Variants in SOX6 observed in about 807,000 individuals in gnomAD.
SOX6 encodes transcription factor SOX-6.
SOX6 carries 11 observed loss-of-function variants against 97.8 expected under a neutral mutation model. The ratio of observed to expected loss-of-function variants is 0.11; its 90% CI spans 0.07 to 0.19. The LOEUF (loss-of-function observed/expected upper bound fraction) is 0.19. Among genes scored for constraint, SOX6 ranks in the 10% least tolerant of loss-of-function variants. The probability of loss-of-function intolerance (pLI) is 1.00; values close to 1 mark genes in which losing one functional copy is unlikely to be tolerated. For synonymous variants in SOX6, 360 were observed against 371.4 expected (o/e 0.97, Z 0.35); for missense variants, 810 against 1,039.5 (o/e 0.78, Z 3.04).
chr11:16,110,500 C>G (rs1453191166), intron 7 of SOX6: 2 of 152,044 alleles, frequency 1.3e-5, no homozygotes, highest in Non-Finnish European at 2.9e-5. Context: ...AAATCATGCT[C>G]TAGAAAAATG....
At chr11:16,649,161 G>T (rs1386315937) in intron 3 of SOX6, among the ~76,000 whole-genome samples, 1 of 152,158 alleles carries the variant, frequency 6.6e-6, no homozygotes, top group African/African-American at 2.4e-5. Context: ...TATTCCTGGA[G>T]AAGAAAATAA....
At chr11:16,097,974 T>C (rs1287795572) in intron 7 of SOX6, among the ~76,000 whole-genome samples, 5 of 151,876 alleles carry the variant, frequency 3.3e-5, no homozygotes, top group East Asian at 3.9e-4. Flanking sequence ...AATACATCAT[T>C]TTTTAAGAGT....
At chr11:16,352,985 C>T (rs1856987840) in intron 1 of SOX6, among the ~76,000 whole-genome samples, 2 of 152,020 alleles carry the variant, frequency 1.3e-5, no homozygotes, top group African/African-American at 4.8e-5. Flanking sequence ...AATTTTCTAA[C>T]AAATATTTGT....
At chr11:16,008,325 T>C (rs1472309067) in intron 13 of SOX6, among the ~76,000 whole-genome samples, 1 of 152,102 alleles carries the variant, frequency 6.6e-6, no homozygotes, top group African/African-American at 2.4e-5. Flanking sequence ...TTCTATGTGA[T>C]TCAGTAATGA....
At chr11:16,540,332 G>T (rs1425169141) in intron 4 of SOX6, among the ~76,000 whole-genome samples, 1 of 151,966 alleles carries the variant, frequency 6.6e-6, no homozygotes, top group African/African-American at 2.4e-5. Flanking sequence ...AAAATAATAA[G>T]AGCTATCTAT....
At chr11:16,330,488 C>T (rs1208709211) in intron 2 of SOX6, among the ~76,000 whole-genome samples, 2 of 152,060 alleles carry the variant, frequency 1.3e-5, no homozygotes, top group South Asian at 4.1e-4. Context: ...ACCCAGAAGG[C>T]GGAGGTTCCA....
intron 3 of SOX6, among the ~76,000 whole-genome samples, chr11:16,672,222 A>G (rs568972186): frequency 3.2e-4 from 48 of 152,346 alleles, no homozygotes; most frequent in Admixed American, 1.7e-3. Context: ...CAGTGACACT[A>G]TAAAGCAACC....
chr11:16,190,419 A>G (rs1320879086), intron 4 of SOX6, among the ~76,000 whole-genome samples: 1 of 152,204 alleles, frequency 6.6e-6, no homozygotes, highest in Non-Finnish European at 1.5e-5. Flanking sequence ...AAATAATAAC[A>G]ACACAATAAA....
At chr11:16,025,174 A>T (rs577295466) in intron 12 of SOX6, among the ~76,000 whole-genome samples, 1 of 152,260 alleles carries the variant, frequency 6.6e-6, no homozygotes, top group South Asian at 2.1e-4. Flanking sequence ...GCAACTCCCA[A>T]GTAGAGTTAT....
chr11:16,163,290 GTC>G (rs1327685873), intron 6 of SOX6, among the ~76,000 whole-genome samples: 1 of 152,080 alleles, frequency 6.6e-6, no homozygotes, highest in Non-Finnish European at 1.5e-5. Flanking sequence ...ACTGTGGTTG[GTC>G]TGAAAAAAGT....
At chr11:16,632,933 C>T (rs898228879) in intron 3 of SOX6, among the ~76,000 whole-genome samples, 3 of 152,178 alleles carry the variant, frequency 2.0e-5, no homozygotes, top group African/African-American at 4.8e-5. Flanking sequence ...GAGGGCTTCC[C>T]TGCACCAGGA....
chr11:16,524,664 T>C (rs1242764929), intron 4 of SOX6, among the ~76,000 whole-genome samples: 2 of 151,970 alleles, frequency 1.3e-5, no homozygotes, highest in South Asian at 2.1e-4. Context: ...ATAAAGGGTA[T>C]TCAATTAGGA....
rs1429591949 is a variant in SOX6 at position 16,715,945 on chromosome 11, C to T, written n.354-1040G>A. Reference sequence around the variant, plus strand: ...GTACTATAATATTTTTTTAAATAAGCATTAGAGGCCAGACACGGTGATTCA... The same window carrying T: ...GTACTATAATATTTTTTTAAATAAGTATTAGAGGCCAGACACGGTGATTCA... On this transcript the variant is annotated intron_variant and non_coding_transcript_variant, in intron 2 of 5. Transcript: ENST00000524520. 2.0e-5 allele frequency among the ~76,000 whole-genome samples: 3 copies of T among 151,902 alleles called. No individual in the cohort carries two copies. The East Asian group carries it at 5.8e-4, about 29-fold the overall frequency.
intron 12 of SOX6, among the ~76,000 whole-genome samples, chr11:16,025,384 G>A (rs1228156619): frequency 6.6e-6 from 1 of 152,094 alleles, no homozygotes; most frequent in Admixed American, 6.6e-5. Context: ...CTGAACACAT[G>A]GTTTAAAAAG....
chr11:16,334,433 C>CTTT (rs67280736), intron 2 of SOX6, among the ~76,000 whole-genome samples: 4 of 147,656 alleles, frequency 2.7e-5, no homozygotes, highest in Non-Finnish European at 3.0e-5. Flanking sequence ...AATGTCTCTA[C>CTTT]TTTTTTTTTT....
intron 4 of SOX6, among the ~76,000 whole-genome samples, chr11:16,194,569 C>A (rs948620249): frequency 1.3e-5 from 2 of 152,166 alleles, no homozygotes; most frequent in African/African-American, 4.8e-5. Flanking sequence ...GAATTTCCTT[C>A]TTGATATTCA....
intron 3 of SOX6, among the ~76,000 whole-genome samples, chr11:16,631,901 A>G (rs892701961): frequency 6.6e-6 from 1 of 152,136 alleles, no homozygotes; most frequent in Admixed American, 6.5e-5. Flanking sequence ...GTATTTCAAA[A>G]TTCTTTAAGT....
intron 2 of SOX6, among the ~76,000 whole-genome samples, chr11:16,332,872 G>T (rs541405138): frequency 6.4e-4 from 97 of 152,268 alleles, no homozygotes; most frequent in Non-Finnish European, 5.6e-4. Flanking sequence ...AAAAGGTTAT[G>T]CTTCTCCTGG....
intron 4 of SOX6, among the ~76,000 whole-genome samples, chr11:16,218,423 A>C (rs1271493463): frequency 1.3e-5 from 2 of 152,258 alleles, no homozygotes; most frequent in East Asian, 3.9e-4. Flanking sequence ...ATTAGAACTT[A>C]ACATTTTAAA....
Sources: gnomAD v4.1 joint callset for allele counts (sites outside exome capture counted in the v4.1 genomes callset) on GRCh38, gnomAD v4.1.1 for gene constraint, MANE v1.5 for transcripts, NCBI Gene and HGNC (gene_info 2026-07-23, HGNC 2026-07-21) for gene names.